Variants in SLC24A2 observed in about 807,000 individuals in gnomAD.
SLC24A2 encodes the protein sodium/potassium/calcium exchanger 2.
A neutral mutation model predicts 62.0 loss-of-function variants in SLC24A2; 36 were observed. The observed-to-expected ratio is 0.58, with a 90% CI of 0.44 to 0.77. The LOEUF (loss-of-function observed/expected upper bound fraction) is 0.77. Among genes scored for constraint, SLC24A2 ranks in the 30% least tolerant of loss-of-function variants. The pLI is 0.00. For missense variants in SLC24A2, 846 were observed against 817.9 expected (o/e 1.03, Z -0.42); for synonymous variants, 358 against 294.0 (o/e 1.22, Z -2.23).
chr9:19,748,915 G>C (rs1564078714), intron 2 of SLC24A2, among the ~76,000 whole-genome samples: 1 of 151,732 alleles, frequency 6.6e-6, no homozygotes, highest in Non-Finnish European at 1.5e-5. Flanking sequence ...GAAACAACAA[G>C]AGCCTCCTCC....
the SLC24A2 span, among the ~76,000 whole-genome samples, chr9:20,052,240 T>C: frequency 6.6e-6 from 1 of 152,178 alleles, no homozygotes; most frequent in Non-Finnish European, 1.5e-5. Context: ...ATTGTCATGT[T>C]TGCACTTGCT....
chr9:20,019,149 GAAA>G, the SLC24A2 span, among the ~76,000 whole-genome samples: 1 of 105,260 alleles, frequency 9.5e-6, no homozygotes, highest in Admixed American at 1.1e-4. Flanking sequence ...AAGAAAGAAA[GAAA>G]GAAAGAGAGA....
At chr9:19,524,816 G>C (rs541814352) in intron 9 of SLC24A2, among the ~76,000 whole-genome samples, 1 of 152,184 alleles carries the variant, frequency 6.6e-6, no homozygotes, top group South Asian at 2.1e-4. Context: ...AAGAAAACAA[G>C]ACTGGAATTA....
chr9:20,115,080 A>G, the SLC24A2 span, among the ~76,000 whole-genome samples: 2 of 152,100 alleles, frequency 1.3e-5, no homozygotes, highest in African/African-American at 4.8e-5. Flanking sequence ...TTTTAGGGGA[A>G]ATTAATGGGC....
chr9:19,591,540 G>A (rs1836552979), intron 5 of SLC24A2, among the ~76,000 whole-genome samples: 1 of 152,174 alleles, frequency 6.6e-6, no homozygotes, highest in Non-Finnish European at 1.5e-5. Context: ...TTTACTGAGA[G>A]GGTCTTCAGG....
chr9:19,607,833 A>T (rs1172153836), intron 4 of SLC24A2, among the ~76,000 whole-genome samples: 1 of 152,174 alleles, frequency 6.6e-6, no homozygotes, highest in East Asian at 1.9e-4. Context: ...TCTCATACTC[A>T]AAAGCAGTTT....
At chr9:20,131,865 G>T in the SLC24A2 span, among the ~76,000 whole-genome samples, 1 of 152,072 alleles carries the variant, frequency 6.6e-6, no homozygotes, top group Non-Finnish European at 1.5e-5. Context: ...TAAAATTTAT[G>T]GCCAGGTTAA....
In SLC24A2 at chr9:19,516,302, T is replaced by C; in HGVS notation, c.1837A>G (p.Met613Val). 4 of 1,614,074 alleles carry C rather than the reference T, an allele frequency of 2.5e-6. No individual in the cohort carries two copies. The highest frequency in any genetic ancestry group is 1.1e-5 in the South Asian group (1 of 91,076). ...LFCAIVLLFI[M>V]LLFVILSIAL... ...ATAGAGAGGATGACGAAGAGCAGCA[T>C]GATGAAGAGAAGGACGATGGCACAG... The change falls in exon 11 of 11, where the codon ATG (methionine) becomes GTG (valine). Residue 613 changes from methionine to valine, a missense_variant. Physicochemically the swap from Met to Val is conservative, Grantham distance 21 (BLOSUM62 1). Coordinates refer to ENST00000341998, the MANE Select transcript of SLC24A2 (RefSeq NM_020344.4).
the SLC24A2 span, among the ~76,000 whole-genome samples, chr9:19,856,599 C>T: frequency 6.6e-6 from 1 of 152,038 alleles, no homozygotes; most frequent in South Asian, 2.1e-4. Context: ...CATCTGGGTC[C>T]CTCTTGCACT....
chr9:20,207,906 T>C, the SLC24A2 span, among the ~76,000 whole-genome samples: 2,369 of 152,284 alleles, frequency 0.016, 74 homozygotes, highest in African/African-American at 0.055. Flanking sequence ...TGTGTTTATT[T>C]TTTACTTTAA....
chr9:20,277,221 C>A, the SLC24A2 span, among the ~76,000 whole-genome samples: 297 of 152,150 alleles, frequency 2.0e-3, 2 homozygotes, highest in African/African-American at 3.1e-3. Flanking sequence ...GCAACAAAAG[C>A]CAAAATTGAC....
chr9:20,054,549 T>C, the SLC24A2 span, among the ~76,000 whole-genome samples: 1 of 152,194 alleles, frequency 6.6e-6, no homozygotes, highest in Non-Finnish European at 1.5e-5. Context: ...CATACACTGG[T>C]ACCCAAAGTG....
the SLC24A2 span, among the ~76,000 whole-genome samples, chr9:19,799,359 T>A: frequency 6.6e-6 from 1 of 152,224 alleles, no homozygotes; most frequent in Non-Finnish European, 1.5e-5. Flanking sequence ...TGTATATTAT[T>A]TATCTGCCTT....
the SLC24A2 span, among the ~76,000 whole-genome samples, chr9:19,937,658 T>C: frequency 2.1e-5 from 3 of 140,446 alleles, no homozygotes; most frequent in African/African-American, 9.8e-5. Flanking sequence ...TTGAAATATA[T>C]CTATGTATCC....
chr9:19,853,835 G>A, the SLC24A2 span, among the ~76,000 whole-genome samples: 3 of 152,186 alleles, frequency 2.0e-5, no homozygotes, highest in African/African-American at 4.8e-5. Flanking sequence ...GAGTTACGGA[G>A]GAGTCTATCC....
chr9:20,220,658 T>G, the SLC24A2 span, among the ~76,000 whole-genome samples: 2 of 152,208 alleles, frequency 1.3e-5, no homozygotes, highest in Non-Finnish European at 2.9e-5. Flanking sequence ...GGGCAGTTGG[T>G]TGCAGAGTTT....
chr9:19,574,986 G>C (rs1835964490), intron 6 of SLC24A2, among the ~76,000 whole-genome samples: 1 of 152,118 alleles, frequency 6.6e-6, no homozygotes, highest in Non-Finnish European at 1.5e-5. Flanking sequence ...AGCAACTTCA[G>C]AGGGACTAGA....
chr9:20,302,875 G>A, the SLC24A2 span, among the ~76,000 whole-genome samples: 1 of 152,134 alleles, frequency 6.6e-6, no homozygotes, highest in African/African-American at 2.4e-5. Flanking sequence ...TCAACATTGA[G>A]GTTGAGATTT....
At chr9:20,209,535 A>G in the SLC24A2 span, among the ~76,000 whole-genome samples, 3 of 152,154 alleles carry the variant, frequency 2.0e-5, no homozygotes, top group African/African-American at 4.8e-5. Context: ...TGCAGTTTTG[A>G]GAATAGCAGT....
Sources: gnomAD v4.1 joint callset for allele counts (sites outside exome capture counted in the v4.1 genomes callset) on GRCh38, gnomAD v4.1.1 for gene constraint, MANE v1.5 for transcripts, NCBI Gene and HGNC (gene_info 2026-07-23, HGNC 2026-07-21) for gene names.